PRMT8: variants seen among roughly 807,000 people sequenced by gnomAD.
PRMT8 encodes the protein protein arginine methyltransferase 8, also known as protein arginine N-methyltransferase 8.
A neutral mutation model predicts 47.1 loss-of-function variants in PRMT8; 7 were observed. That is an observed-to-expected ratio of 0.15 (90% confidence interval 0.08 to 0.28). The LOEUF is 0.28. PRMT8 is among the 10% of genes least tolerant of loss of function. PRMT8 has a pLI of 1.00. For missense variants in PRMT8, 237 were observed against 505.4 expected (o/e 0.47, Z 5.09); for synonymous variants, 188 against 186.5 (o/e 1.01, Z -0.07).
intron 1 of PRMT8, among the ~76,000 whole-genome samples, chr12:3,495,438 C>T (rs149291298): frequency 3.5e-4 from 54 of 152,318 alleles, no homozygotes; most frequent in African/African-American, 9.9e-4. Flanking sequence ...CTGCCTGTGC[C>T]GGTCTTTCCT....
chr12:3,455,709 A>G (rs948088241), intron 1 of PRMT8, among the ~76,000 whole-genome samples: 1 of 152,150 alleles, frequency 6.6e-6, no homozygotes, highest in Non-Finnish European at 1.5e-5. Flanking sequence ...TGAGCCTGCT[A>G]CATTGAATTT....
In PRMT8 at chr12:3,570,737, A is replaced by C. The variant is rs1251872078; in HGVS notation, c.712+1173A>C. ...CATGCCTTTCTGGAAATATAAACTCAAAGTGTGAAGTTCAGAGCCAGGTTC... is the reference window on the plus strand; with the variant it reads ...CATGCCTTTCTGGAAATATAAACTCCAAGTGTGAAGTTCAGAGCCAGGTTC... On this transcript the variant is annotated intron_variant, in intron 6 of 9. Coordinates refer to ENST00000382622, the MANE Select transcript of PRMT8 (RefSeq NM_019854.5). The surrounding 1 kb of genome is among the most constrained non-coding windows in gnomAD (Gnocchi z 5.5). Among the ~76,000 whole-genome samples, 1 of 152,188 alleles carries C rather than the reference A, an allele frequency of 6.6e-6. No individual in the cohort carries two copies. Among genetic ancestry groups the C allele is most frequent in the Non-Finnish European group, 1.5e-5 (1 of 68,032 alleles).
At chr12:3,549,021 T>C (rs1224713434) in intron 2 of PRMT8, among the ~76,000 whole-genome samples, 2 of 152,160 alleles carry the variant, frequency 1.3e-5, no homozygotes, top group Non-Finnish European at 2.9e-5. Context: ...TACATGAATC[T>C]CAAAAACTTT....
At chr12:3,556,515 C>G (rs1199341786) in intron 4 of PRMT8, among the ~76,000 whole-genome samples, 1 of 151,940 alleles carries the variant, frequency 6.6e-6, no homozygotes, top group Non-Finnish European at 1.5e-5. Context: ...ATGGAGGTTA[C>G]CAGCGCTCTT....
At chr12:3,385,835 T>C (rs2137042945) in intron 1 of PRMT8, among the ~76,000 whole-genome samples, 1 of 152,364 alleles carries the variant, frequency 6.6e-6, no homozygotes, top group East Asian at 1.9e-4. Flanking sequence ...AGGCACATTC[T>C]TAAGAAGGGA....
At chr12:3,410,505 C>CTGTT (rs970053359) in intron 1 of PRMT8, among the ~76,000 whole-genome samples, 49 of 152,132 alleles carry the variant, frequency 3.2e-4, no homozygotes, top group East Asian at 1.4e-3. Context: ...TGTTGGTTTT[C>CTGTT]TGTTTGTTTG....
At chr12:3,476,464 C>T (rs1275639286) in intron 1 of PRMT8, among the ~76,000 whole-genome samples, 3 of 152,054 alleles carry the variant, frequency 2.0e-5, no homozygotes, top group Admixed American at 1.3e-4. Flanking sequence ...GAAGTGCCTG[C>T]GAGCTGGTCT....
rs1461576080 is a variant in PRMT8 at position 3,566,890 on chromosome 12, C to T, written c.482-1816C>T. ...AAATGTTCAGAAAGAACAAACCAAC[C>T]AATACATCAGCCTGCCAATTTAACA... On this transcript the variant is annotated intron_variant, in intron 4 of 9. Coordinates refer to ENST00000382622, the MANE Select transcript of PRMT8 (RefSeq NM_019854.5). The surrounding 1 kb of genome is among the most constrained non-coding windows in gnomAD (Gnocchi z 4.7). Among the ~76,000 whole-genome samples, 3 of 152,112 alleles carry T rather than the reference C, an allele frequency of 2.0e-5. No individual in the cohort carries two copies.
intron 1 of PRMT8, among the ~76,000 whole-genome samples, chr12:3,482,665 GC>G (rs1865285495): frequency 6.6e-6 from 1 of 152,182 alleles, no homozygotes; most frequent in Non-Finnish European, 1.5e-5. Context: ...AGATACTCTG[GC>G]CTCTGGGGCT....
At chr12:3,403,897 AAGAG>A (rs1274833702) in intron 1 of PRMT8, among the ~76,000 whole-genome samples, 1 of 133,702 alleles carries the variant, frequency 7.5e-6, no homozygotes, top group South Asian at 2.3e-4. Flanking sequence ...AAAAAAAAAA[AAGAG>A]AGAGAAAAAA....
Position 3,552,114 on chromosome 12 carries a change from G to T in PRMT8, c.418-1537G>T, listed in dbSNP as rs552525015. 6.6e-6 allele frequency: 1 copy of T among 152,644 alleles called. No individual in the cohort carries two copies. Among genetic ancestry groups the T allele is most frequent in the Non-Finnish European group, 1.5e-5 (1 of 68,300 alleles). 9.5% of individuals were successfully genotyped at this position (152,644 alleles called of 1,614,324 possible). Reference sequence around the variant, plus strand: ...ATGGTGGCGGGTGCCTGTAATTCCAGCTACTTGGAGACTGAGGCTGGAGAA... The same window carrying T: ...ATGGTGGCGGGTGCCTGTAATTCCATCTACTTGGAGACTGAGGCTGGAGAA... On this transcript the variant is annotated intron_variant, in intron 3 of 9. Coordinates refer to ENST00000382622, the MANE Select transcript of PRMT8 (RefSeq NM_019854.5). This position sits in a 1 kb window ranked among gnomAD's most constrained non-coding sequence, Gnocchi z 4.5.
intron 1 of PRMT8, among the ~76,000 whole-genome samples, chr12:3,382,885 A>G (rs961395808): frequency 6.6e-6 from 1 of 152,208 alleles, no homozygotes; most frequent in Non-Finnish European, 1.5e-5. Context: ...ATTTTTATAT[A>G]CCATGTAGGA....
chr12:3,563,087 A>G (rs1866663106), intron 4 of PRMT8, among the ~76,000 whole-genome samples: 1 of 151,746 alleles, frequency 6.6e-6, no homozygotes, highest in African/African-American at 2.4e-5. Flanking sequence ...GCTGGACCAC[A>G]GGTGGGGTTC....
chr12:3,567,200 T>G (rs1866735198), intron 4 of PRMT8, among the ~76,000 whole-genome samples: 1 of 152,228 alleles, frequency 6.6e-6, no homozygotes, highest in Admixed American at 6.5e-5. Flanking sequence ...GGCCTGGCAC[T>G]CCACATGTGT....
intron 1 of PRMT8, among the ~76,000 whole-genome samples, chr12:3,384,871 A>G: frequency 6.7e-6 from 1 of 148,698 alleles, no homozygotes; most frequent in Admixed American, 6.9e-5. Context: ...GACATTTAGC[A>G]TCCCTGGCCT....
At chr12:3,459,161 C>T (rs1316107302) in intron 1 of PRMT8, among the ~76,000 whole-genome samples, 1 of 152,134 alleles carries the variant, frequency 6.6e-6, no homozygotes. Flanking sequence ...CCCTGTTTGG[C>T]TAACTAGAAA....
chr12:3,461,682 CCA>C (rs1425535433), intron 1 of PRMT8, among the ~76,000 whole-genome samples: 69 of 150,642 alleles, frequency 4.6e-4, no homozygotes, highest in African/African-American at 1.6e-3. Flanking sequence ...CAAGAGGAGT[CCA>C]AGCTTCAGAC....
chr12:3,487,101 C>T (rs749746840), upstream of PRMT8, among the ~76,000 whole-genome samples: 5 of 152,188 alleles, frequency 3.3e-5, no homozygotes, highest in Non-Finnish European at 7.3e-5. Context: ...CTTGGCTTGG[C>T]TCCCATCTGG....
intron 1 of PRMT8, among the ~76,000 whole-genome samples, chr12:3,494,298 A>G (rs2137114970): frequency 6.6e-6 from 1 of 152,240 alleles, no homozygotes; most frequent in South Asian, 2.1e-4. Flanking sequence ...TCCTGTAGCC[A>G]CCTTTTCCTG....
Sources: gnomAD v4.1 joint callset for allele counts (sites outside exome capture counted in the v4.1 genomes callset) on GRCh38, gnomAD v4.1.1 for gene constraint, Gnocchi (gnomAD v3.1) non-coding constraint, MANE v1.5 for transcripts, NCBI Gene and HGNC (gene_info 2026-07-23, HGNC 2026-07-21) for gene names.